The following FGF12 variants were observed in gnomAD, a reference collection of about 807,000 sequenced individuals.
The protein encoded by FGF12 is fibroblast growth factor 12B.
Under a neutral mutation model 23.6 loss-of-function variants are expected in FGF12, and 14 were observed. The ratio of observed to expected loss-of-function variants is 0.59; its 90% CI spans 0.39 to 0.93. FGF12 has a LOEUF of 0.93. Among genes scored for constraint, FGF12 ranks in the 40% least tolerant of loss-of-function variants. The pLI, the probability that FGF12 is intolerant of heterozygous loss-of-function variation, is 0.00. For synonymous variants in FGF12, 62 were observed against 77.3 expected (o/e 0.80, Z 1.04); for missense variants, 175 against 217.8 (o/e 0.80, Z 1.24).
chr3:192,598,151 A>G (rs1713942361), intron 2 of FGF12, among the ~76,000 whole-genome samples: 1 of 152,218 alleles, frequency 6.6e-6, no homozygotes, highest in South Asian at 2.1e-4. Context: ...ACATTACTGC[A>G]TAATTGCAGA....
intron 3 of FGF12, among the ~76,000 whole-genome samples, chr3:192,354,974 T>C (rs905941040): frequency 2.0e-5 from 3 of 152,202 alleles, no homozygotes; most frequent in Admixed American, 2.0e-4. Context: ...CCTCCCAAAG[T>C]GCTGGGATTA....
intron 5 of FGF12, among the ~76,000 whole-genome samples, chr3:192,148,136 G>A (rs1713828175): frequency 6.6e-6 from 1 of 152,042 alleles, no homozygotes; most frequent in African/African-American, 2.4e-5. Flanking sequence ...AATGAAAGCA[G>A]GGACCCCAGC....
At chr3:192,475,899 A>G (rs1036187787) in intron 2 of FGF12, among the ~76,000 whole-genome samples, 2 of 152,170 alleles carry the variant, frequency 1.3e-5, no homozygotes, top group African/African-American at 2.4e-5. Flanking sequence ...TAGATAATAG[A>G]TAGATGGTAG....
At chr3:192,469,278 G>C (rs944223767) in intron 2 of FGF12, among the ~76,000 whole-genome samples, 6 of 152,140 alleles carry the variant, frequency 3.9e-5, no homozygotes, top group African/African-American at 1.4e-4. Flanking sequence ...TATAAACAGA[G>C]TGCCTCTGTT....
intron 2 of FGF12, among the ~76,000 whole-genome samples, chr3:192,466,954 AT>A (rs1272684815): frequency 6.6e-6 from 1 of 152,214 alleles, no homozygotes; most frequent in Non-Finnish European, 1.5e-5. Flanking sequence ...ATCGCCACAT[AT>A]TTTTAGCTAT....
chr3:192,658,924 A>G (rs1246674155), intron 2 of FGF12, among the ~76,000 whole-genome samples: 2 of 152,160 alleles, frequency 1.3e-5, no homozygotes, highest in African/African-American at 4.8e-5. Flanking sequence ...GGCCCTTTGC[A>G]AAGTACACAG....
intron 4 of FGF12, among the ~76,000 whole-genome samples, chr3:192,188,852 T>C (rs916575319): frequency 1.3e-5 from 2 of 152,240 alleles, no homozygotes; most frequent in Non-Finnish European, 2.9e-5. Flanking sequence ...CTAGATATGA[T>C]CCACAAATAT....
intron 2 of FGF12, among the ~76,000 whole-genome samples, chr3:192,524,239 T>G (rs185231849): frequency 1.6e-4 from 25 of 152,346 alleles, no homozygotes; most frequent in African/African-American, 5.8e-4. Context: ...ATAATAGGCA[T>G]AGAAATTATT....
Position 192,619,708 on chromosome 3 carries a change from C to T in FGF12, c.13+107473G>A, listed in dbSNP as rs564455628. On this transcript the variant is annotated intron_variant, in intron 2 of 5. Coordinates refer to ENST00000445105, the MANE Select transcript of FGF12 (RefSeq NM_004113.6). ...GCTTGTTTGATTTTCCTATAATGTG[C>T]GAAATTGGAGATACATTGCTCTATT... Among the ~76,000 whole-genome samples the T allele has an allele frequency of 5.9e-5, 9 of 152,134 alleles. No homozygotes were observed. In the East Asian group the frequency reaches 9.7e-4, roughly 16 times the overall value.
chr3:192,158,655 C>CCCCCTTCCTTCTTT (rs1714681974), intron 5 of FGF12, among the ~76,000 whole-genome samples: 2 of 27,104 alleles, frequency 7.4e-5, no homozygotes, highest in Admixed American at 5.2e-4. Context: ...CTCCCTCCCT[C>CCCCCTTCCTTCTTT]CCTTCCTTCC....
chr3:192,649,501 T>C (rs1411848081), intron 2 of FGF12, among the ~76,000 whole-genome samples: 1 of 152,214 alleles, frequency 6.6e-6, no homozygotes, highest in Non-Finnish European at 1.5e-5. Context: ...AATAAATATA[T>C]CGAGTTTTCT....
Position 192,563,325 on chromosome 3 carries a change from TG to T in FGF12, c.13+163855del. On this transcript the variant is annotated intron_variant, in intron 2 of 5. Transcript: ENST00000445105. ...ATATCTCTCATATCCCAAGATTTAA[TG>T]GTTCTGGGTGCAGATGGTTCACCAG... Among the ~76,000 whole-genome samples, 2 of 152,338 alleles carry T rather than the reference TG, an allele frequency of 1.3e-5. 1 individual carries two copies. Among genetic ancestry groups the T allele is most frequent in the South Asian group, 4.1e-4 (2 of 4,832 alleles).
chr3:192,212,551 A>G (rs964557293), intron 4 of FGF12, among the ~76,000 whole-genome samples: 3 of 152,164 alleles, frequency 2.0e-5, no homozygotes, highest in African/African-American at 7.2e-5. Flanking sequence ...CTGTGTGAAA[A>G]TGCAGTAAAC....
intron 2 of FGF12, among the ~76,000 whole-genome samples, chr3:192,607,571 T>C (rs949266585): frequency 6.6e-6 from 1 of 152,278 alleles, no homozygotes; most frequent in East Asian, 1.9e-4. Flanking sequence ...ATGCCTGACA[T>C]ATAGCACGCT....
chr3:192,479,683 A>T (rs989737143), intron 2 of FGF12, among the ~76,000 whole-genome samples: 2 of 152,206 alleles, frequency 1.3e-5, no homozygotes, highest in East Asian at 3.8e-4. Context: ...TTACACTCTC[A>T]TGACAATGCT....
intron 2 of FGF12, among the ~76,000 whole-genome samples, chr3:192,483,018 C>T (rs1284873972): frequency 6.6e-6 from 1 of 152,104 alleles, no homozygotes; most frequent in Non-Finnish European, 1.5e-5. Flanking sequence ...CAACTTACAA[C>T]CTGGCTTCAA....
intron 2 of FGF12, among the ~76,000 whole-genome samples, chr3:192,563,940 G>C (rs1461495821): frequency 2.0e-5 from 3 of 152,216 alleles, no homozygotes; most frequent in African/African-American, 7.2e-5. Context: ...ATTATCAATG[G>C]ATGATTACCA....
intron 4 of FGF12, among the ~76,000 whole-genome samples, chr3:192,328,562 A>AT (rs1359800857): frequency 1.3e-5 from 2 of 152,188 alleles, no homozygotes. Context: ...CCCATGGCAG[A>AT]TTTTAATCTG....
intron 4 of FGF12, among the ~76,000 whole-genome samples, chr3:192,245,168 T>C (rs111575447): frequency 5.2e-5 from 7 of 135,298 alleles, no homozygotes; most frequent in Admixed American, 7.1e-5. Flanking sequence ...TGATCAAATC[T>C]CACTGCAGCC....
Sources: allele counts gnomAD v4.1 joint callset (sites outside exome capture counted in the v4.1 genomes callset), GRCh38; gene constraint gnomAD v4.1.1; transcripts MANE v1.5; gene names NCBI Gene and HGNC (gene_info 2026-07-23, HGNC 2026-07-21).